Variants in CNGA1 observed in about 807,000 individuals in gnomAD.
CNGA1 encodes the protein cyclic nucleotide gated channel subunit alpha 1.
CNGA1 carries 53 observed loss-of-function variants against 69.7 expected under a neutral mutation model. The ratio of observed to expected loss-of-function variants is 0.76; its 90% CI spans 0.61 to 0.96. The LOEUF is 0.96. Ranked by LOEUF, CNGA1 falls within the 40% of genes least tolerant of loss-of-function variation. The pLI is 0.00. For missense variants in CNGA1, 739 were observed against 811.2 expected (o/e 0.91, Z 1.08); for synonymous variants, 249 against 283.5 (o/e 0.88, Z 1.22).
Position 47,999,564 on chromosome 4 carries a change from A to G in CNGA1, c.-123+11230T>C, listed in dbSNP as rs75277272. ...AAAATCAGTCAATAGCTGCATACCCAGAAGTGACAGAAATCATGGCATATG... is the reference window on the plus strand; with the variant it reads ...AAAATCAGTCAATAGCTGCATACCCGGAAGTGACAGAAATCATGGCATATG... On this transcript the variant is annotated intron_variant, in intron 2 of 10. Coordinates refer to ENST00000514170, the MANE Select transcript of CNGA1 (RefSeq NM_001379270.1). Among the ~76,000 whole-genome samples the G allele has an allele frequency of 2.6e-5, 4 of 152,318 alleles. No individual in the cohort carries two copies. The East Asian group carries it at 7.7e-4, about 29-fold the overall frequency.
chr4:47,983,062 C>T (rs1390175237), intron 2 of CNGA1, among the ~76,000 whole-genome samples: 3 of 152,094 alleles, frequency 2.0e-5, no homozygotes, highest in Non-Finnish European at 2.9e-5. Flanking sequence ...CCTGGGCCTC[C>T]CAAAGTGCTA....
At chr4:47,960,707 A>G (rs1740388469) in intron 3 of CNGA1, among the ~76,000 whole-genome samples, 1 of 112,006 alleles carries the variant, frequency 8.9e-6, no homozygotes, top group South Asian at 3.1e-4. Context: ...TGGATAAACA[A>G]TCTGGTTTAA....
intron 3 of CNGA1, among the ~76,000 whole-genome samples, chr4:47,962,730 C>T (rs935610698): frequency 6.6e-6 from 1 of 152,092 alleles, no homozygotes; most frequent in African/African-American, 2.4e-5. Flanking sequence ...CTAATTTCCC[C>T]CAAATTTTTG....
intron 2 of CNGA1, among the ~76,000 whole-genome samples, chr4:48,001,423 T>A (rs1714660808): frequency 6.6e-6 from 1 of 152,044 alleles, no homozygotes; most frequent in Non-Finnish European, 1.5e-5. Context: ...GAGCCAAAAT[T>A]GCACCACTGC....
chr4:47,971,832 TGCAGTGA>T (rs1396169431), intron 3 of CNGA1, among the ~76,000 whole-genome samples: 2 of 152,086 alleles, frequency 1.3e-5, no homozygotes, highest in Non-Finnish European at 2.9e-5. Flanking sequence ...AGGTGGAGGT[TGCAGTGA>T]GCTGAGATCA....
intron 2 of CNGA1, among the ~76,000 whole-genome samples, chr4:48,006,354 A>G (rs905483898): frequency 1.3e-5 from 2 of 152,138 alleles, no homozygotes; most frequent in Non-Finnish European, 2.9e-5. Flanking sequence ...GAAATTTGTT[A>G]CCTCTGTTGC....
At chr4:47,990,314 T>C (rs1742201691) in intron 2 of CNGA1, among the ~76,000 whole-genome samples, 1 of 152,038 alleles carries the variant, frequency 6.6e-6, no homozygotes, top group South Asian at 2.1e-4. Context: ...AAGGAATGCA[T>C]TCTTGGGGGG....
chr4:47,987,829 C>T (rs1742054213), intron 2 of CNGA1, among the ~76,000 whole-genome samples: 4 of 152,096 alleles, frequency 2.6e-5, no homozygotes. Flanking sequence ...ACAGAGGTAG[C>T]CATGCCCACT....
At chr4:47,977,484 A>G (rs1297684631) in intron 3 of CNGA1, among the ~76,000 whole-genome samples, 2 of 152,130 alleles carry the variant, frequency 1.3e-5, no homozygotes, top group African/African-American at 4.8e-5. Flanking sequence ...ATAGCAGACT[A>G]ATACAGCTGG....
intron 2 of CNGA1, among the ~76,000 whole-genome samples, chr4:48,007,781 G>A (rs1714986158): frequency 6.6e-6 from 1 of 151,954 alleles, no homozygotes; most frequent in Non-Finnish European, 1.5e-5. Flanking sequence ...TTACCAAAAG[G>A]CAAAAGAAAA....
intron 10 of CNGA1, among the ~76,000 whole-genome samples, chr4:47,938,928 AAG>A (rs941687691): frequency 2.7e-5 from 4 of 150,802 alleles, no homozygotes; most frequent in Non-Finnish European, 4.4e-5. Flanking sequence ...GAAAGAAAGA[AAG>A]AGAGAGAGAG....
intron 3 of CNGA1, among the ~76,000 whole-genome samples, chr4:47,954,395 G>A (rs990785618): frequency 6.6e-6 from 1 of 152,218 alleles, no homozygotes; most frequent in Non-Finnish European, 1.5e-5. Flanking sequence ...CAAGGCTAAA[G>A]GAGCTCACTA....
intron 3 of CNGA1, among the ~76,000 whole-genome samples, chr4:47,970,557 C>G (rs1740959190): frequency 6.6e-6 from 1 of 151,624 alleles, no homozygotes; most frequent in African/African-American, 2.4e-5. Flanking sequence ...GAGGCTGAGG[C>G]AGGAGAACCA....
intron 3 of CNGA1, among the ~76,000 whole-genome samples, chr4:47,973,986 A>G (rs10938515): frequency 0.1 from 15,785 of 151,836 alleles, 1,306 homozygotes; most frequent in East Asian, 0.31. Context: ...TGAGCCCAAG[A>G]GTTCGAGATC....
intron 2 of CNGA1, among the ~76,000 whole-genome samples, chr4:48,000,741 CG>C (rs996132198): frequency 0.051 from 385 of 7,600 alleles, 2 homozygotes; most frequent in East Asian, 0.11. Flanking sequence ...GTGGGGGAAG[CG>C]GGGGGGTGGG....
At chr4:47,963,630 A>C (rs2110182729) in intron 3 of CNGA1, among the ~76,000 whole-genome samples, 1 of 152,286 alleles carries the variant, frequency 6.6e-6, no homozygotes, top group South Asian at 2.1e-4. Flanking sequence ...ATAAATGACA[A>C]TTTATTCTAT....
At chr4:47,943,952 A>G (rs1420538596) in intron 6 of CNGA1, among the ~76,000 whole-genome samples, 1 of 152,122 alleles carries the variant, frequency 6.6e-6, no homozygotes, top group Non-Finnish European at 1.5e-5. Flanking sequence ...TCCACATACA[A>G]TTTCTTCTTG....
chr4:47,990,475 G>A (rs151213137), intron 2 of CNGA1, among the ~76,000 whole-genome samples: 2,418 of 152,138 alleles, frequency 0.016, 38 homozygotes, highest in Non-Finnish European at 0.023. Context: ...CTCTGCTTTC[G>A]AACCCTGTTT....
chr4:47,970,347 C>T (rs549167175), intron 3 of CNGA1, among the ~76,000 whole-genome samples: 1 of 152,170 alleles, frequency 6.6e-6, no homozygotes, highest in African/African-American at 2.4e-5. Context: ...TCCCCCAACT[C>T]CACAACTGAC....
Sources: gnomAD v4.1 joint callset for allele counts (sites outside exome capture counted in the v4.1 genomes callset) on GRCh38, gnomAD v4.1.1 for gene constraint, MANE v1.5 for transcripts, NCBI Gene and HGNC (gene_info 2026-07-23, HGNC 2026-07-21) for gene names.